ANK1: variants seen among roughly 807,000 people sequenced by gnomAD.
The protein encoded by ANK1 is ankyrin 1, also known as ankyrin-1.
A neutral mutation model predicts 210.4 loss-of-function variants in ANK1; 51 were observed. The ratio of observed to expected loss-of-function variants is 0.24; its 90% CI spans 0.19 to 0.31. The LOEUF (loss-of-function observed/expected upper bound fraction) is 0.31. ANK1 is among the 10% of genes least tolerant of loss of function. The pLI is 1.00. For synonymous variants in ANK1, 967 were observed against 1,025.9 expected, an observed-to-expected ratio of 0.94 and a Z score of 1.10; for missense variants, 2,051 against 2,504.4, an observed-to-expected ratio of 0.82 and a Z score of 3.86.
chr8:41,728,835 C>T (rs1417949566), intron 3 of ANK1, among the ~76,000 whole-genome samples: 1 of 152,258 alleles, frequency 6.6e-6, no homozygotes, highest in Non-Finnish European at 1.5e-5. Flanking sequence ...CAGCAGACAG[C>T]GCGTTGGCGT....
intron 2 of ANK1, among the ~76,000 whole-genome samples, chr8:41,754,472 C>T (rs1015948321): frequency 4.6e-5 from 7 of 152,130 alleles, no homozygotes; most frequent in African/African-American, 1.7e-4. Flanking sequence ...TAATTACTTC[C>T]TATTATGGCA....
intron 37 of ANK1, among the ~76,000 whole-genome samples, chr8:41,678,220 C>A (rs1451985903): frequency 6.6e-6 from 1 of 151,984 alleles, no homozygotes; most frequent in East Asian, 1.9e-4. Flanking sequence ...TCCACTGCAA[C>A]CTCCACCTCC....
In ANK1 at chr8:41,661,907, G is replaced by A. The variant is rs1808396213; in HGVS notation, c.5513C>T (p.Ser1838Phe). Residue 1838 changes from serine (S) to phenylalanine (F), a missense_variant, in exon 41 of 43, where the codon TCC (serine) becomes TTC (phenylalanine). Ser to Phe is a radical substitution (Grantham distance 155, BLOSUM62 -2). This residue lies in a region of ANK1 where 496 missense variants were observed against 533.4 expected (regional missense o/e 0.93). Transcript: ENST00000289734. ...IRKVVRQIDL[S>F]SADAAQEHEE... is the part of the protein sequence containing the mutation. ...GTGCTCCTGGGCGGCATCGGCGCTG[G>A]ACAAGTCTATCTGTCGAACCACCTT... 2 of 1,613,970 alleles carry A rather than the reference G, an allele frequency of 1.2e-6. No individual in the cohort carries two copies. The highest frequency in any genetic ancestry group is 1.7e-6 in the Non-Finnish European group (2 of 1,180,024).
At chr8:41,688,739 G>C in intron 33 of ANK1, 150 bp from the exon 34 acceptor site, 1 of 740,712 alleles carries the variant, frequency 1.4e-6, no homozygotes, top group Non-Finnish European at 2.4e-6. Flanking sequence ...AACACAAAGA[G>C]TAACACATGG....
At chr8:41,785,741 G>A (rs886673374) in intron 1 of ANK1, among the ~76,000 whole-genome samples, 1 of 152,158 alleles carries the variant, frequency 6.6e-6, no homozygotes, top group Non-Finnish European at 1.5e-5. Flanking sequence ...TTGATCTTGC[G>A]GTCTCCAGGC....
rs550733771 is a variant in ANK1, at chr8:41,744,024, C to A, written c.130-9955G>T. ...GGGCAAGTACAAAATGAGCCTGGGG[C>A]ACCTTGTGCCAGAAAGTAGGAAAAT... On this transcript the variant is annotated intron_variant, in intron 2 of 42. Coordinates refer to ENST00000289734, the MANE Select transcript of ANK1 (RefSeq NM_000037.4). 5.3e-5 allele frequency among the ~76,000 whole-genome samples: 8 copies of A among 152,254 alleles called. No homozygotes were observed. The East Asian group carries it at 5.8e-4, about 11-fold the overall frequency.
At chr8:41,836,435 C>T (rs1053872672) in intron 1 of ANK1, among the ~76,000 whole-genome samples, 2 of 152,242 alleles carry the variant, frequency 1.3e-5, no homozygotes, top group Non-Finnish European at 2.9e-5. Flanking sequence ...CTCATTGTGG[C>T]TGCAGGCACC....
chr8:41,738,555 T>C (rs1265940838), intron 2 of ANK1, among the ~76,000 whole-genome samples: 2 of 152,214 alleles, frequency 1.3e-5, no homozygotes, highest in East Asian at 3.8e-4. Flanking sequence ...ATAAATACCA[T>C]ATTTAATACT....
intron 9 of ANK1, 76 bp downstream of exon 9, chr8:41,723,049 A>G (rs1459018654): frequency 1.5e-6 from 2 of 1,325,890 alleles, no homozygotes; most frequent in Admixed American, 3.4e-5. Flanking sequence ...GTTTTACAGA[A>G]ATAGGATTTG....
chr8:41,702,624 A>C (rs1823172209), intron 20 of ANK1, among the ~76,000 whole-genome samples: 1 of 152,232 alleles, frequency 6.6e-6, no homozygotes, highest in Non-Finnish European at 1.5e-5. Flanking sequence ...AATACTCGGA[A>C]ATCACAAATC....
At chr8:41,696,279 G>C (rs771235589) in intron 26 of ANK1, 84 bp downstream of exon 26, 49 of 1,487,868 alleles carry the variant, frequency 3.3e-5, no homozygotes, top group African/African-American at 5.5e-5. Flanking sequence ...ACCCAGTTCT[G>C]TTTCCCCATC....
At chr8:41,879,396 A>G (rs972060711) in intron 1 of ANK1, among the ~76,000 whole-genome samples, 4 of 152,222 alleles carry the variant, frequency 2.6e-5, no homozygotes, top group Admixed American at 2.0e-4. Flanking sequence ...GAGCACCTGG[A>G]TTTCTCGAGA....
At chr8:41,875,417 A>AG (rs1563947509) in intron 1 of ANK1, among the ~76,000 whole-genome samples, 1 of 152,162 alleles carries the variant, frequency 6.6e-6, no homozygotes, top group African/African-American at 2.4e-5. Flanking sequence ...TTCTTGAGAA[A>AG]GTCACCACCG....
intron 15 of ANK1, 21 bp from the exon 16 acceptor site, chr8:41,714,275 A>C (rs1487795578): frequency 1.3e-6 from 2 of 1,545,666 alleles, no homozygotes; most frequent in Non-Finnish European, 1.8e-6. Flanking sequence ...CAAAGACAAA[A>C]GAGGCCGGCT....
At position 41,728,002 on chromosome 8, in the gene ANK1, C is replaced by G; in HGVS notation, c.233G>C (p.Gly78Ala). The change falls in exon 4 of 43, where the codon GGG becomes GCG. Residue 78 changes from glycine (G) to alanine (A), a missense_variant. By Grantham distance (60) the Gly-to-Ala change is moderately conservative (BLOSUM62 0). This residue lies in a region of ANK1 where 72 missense variants were observed against 133.5 expected (regional missense o/e 0.54). Coordinates refer to ENST00000289734, the MANE Select transcript of ANK1 (RefSeq NM_000037.4). The stretch of plus-strand genomic sequence containing the variant: ...AGCAGCGATGTGCAGGGCCGTGTTC[C>G]CCTTCTGAAACACATGGGGGAAGGG... ...EIILETTTKKGNTALHIAALA... is the reference protein window; with the variant it reads ...EIILETTTKKANTALHIAALA... 1 of 1,613,994 alleles carries G rather than the reference C, an allele frequency of 6.2e-7. No homozygotes were observed. The highest frequency in any genetic ancestry group is 8.5e-7 in the Non-Finnish European group (1 of 1,180,040).
intron 1 of ANK1, among the ~76,000 whole-genome samples, chr8:41,781,687 C>G (rs1010180434): frequency 6.6e-6 from 1 of 152,222 alleles, no homozygotes; most frequent in Non-Finnish European, 1.5e-5. Context: ...GGAGTCTGCA[C>G]AGATGGCTCC....
intron 1 of ANK1, among the ~76,000 whole-genome samples, chr8:41,761,718 G>A (rs917886040): frequency 4.6e-5 from 7 of 152,166 alleles, no homozygotes; most frequent in African/African-American, 1.7e-4. Flanking sequence ...CAAATCTACA[G>A]CCGAAGACCA....
chr8:41,752,805 C>CCT (rs1554597045), intron 2 of ANK1, among the ~76,000 whole-genome samples: 7 of 151,516 alleles, frequency 4.6e-5, no homozygotes, highest in Admixed American at 2.6e-4. Flanking sequence ...CAGGCCCCCC[C>CCT]CCACTGCACC....
chr8:41,778,868 T>A (rs780095633), intron 1 of ANK1, among the ~76,000 whole-genome samples: 20 of 152,202 alleles, frequency 1.3e-4, no homozygotes, highest in African/African-American at 4.8e-5. Flanking sequence ...GATCCGACAC[T>A]GAACACACAG....
Sources: allele counts gnomAD v4.1 joint callset (sites outside exome capture counted in the v4.1 genomes callset), GRCh38; gene constraint gnomAD v4.1.1; regional missense constraint gnomAD v4.1.1; transcripts MANE v1.5; gene names NCBI Gene and HGNC (gene_info 2026-07-23, HGNC 2026-07-21).